Variants in SH3RF2 observed in about 807,000 individuals in gnomAD.
The protein encoded by SH3RF2 is E3 ubiquitin-protein ligase SH3RF2.
Under a neutral mutation model 59.0 loss-of-function variants are expected in SH3RF2, and 43 were observed. That is an observed-to-expected ratio of 0.73 (90% CI 0.57 to 0.94). The LOEUF (loss-of-function observed/expected upper bound fraction) is 0.94, where lower values mean the gene tolerates loss of function less well. Among genes scored for constraint, SH3RF2 ranks in the 40% least tolerant of loss-of-function variants. The pLI, the probability that SH3RF2 is intolerant of heterozygous loss-of-function variation, is 0.00. For missense variants in SH3RF2, 930 were observed against 940.1 expected, an observed-to-expected ratio of 0.99 and a Z score of 0.14; for synonymous variants, 391 against 391.5, an observed-to-expected ratio of 1.00 and a Z score of 0.01.
chr5:146,010,577 G>A (rs150964106), intron 4 of SH3RF2, among the ~76,000 whole-genome samples: 18 of 152,288 alleles, frequency 1.2e-4, no homozygotes, highest in East Asian at 1.9e-4. Context: ...CATTCTAACC[G>A]GTGTGAGATG....
chr5:145,976,786 T>C (rs1759314729), intron 2 of SH3RF2, among the ~76,000 whole-genome samples: 1 of 152,240 alleles, frequency 6.6e-6, no homozygotes, highest in Non-Finnish European at 1.5e-5. Flanking sequence ...CTGGGCTTAC[T>C]AGCCAGTTAT....
At position 145,937,906 on chromosome 5, in the gene SH3RF2, G is replaced by A. The variant is rs1419402534; in HGVS notation, c.-23G>A. On this transcript the variant is annotated 5_prime_UTR_variant, in exon 2 of 10. Transcript: ENST00000359120. ...CCATGTGGACGCTGCTCCTCCAGGT[G>A]GGAACTGGAGTTTTGAAATAAAATG... The A allele has an allele frequency of 5.6e-6, 9 of 1,594,936 alleles. No homozygotes were observed. The highest frequency in any genetic ancestry group is 1.1e-5 in the South Asian group (1 of 88,026).
chr5:146,023,125 G>T (rs1011637938), intron 5 of SH3RF2, among the ~76,000 whole-genome samples: 1 of 150,072 alleles, frequency 6.7e-6, no homozygotes, highest in African/African-American at 2.5e-5. Flanking sequence ...TTGCCCTTTT[G>T]AATTTTCCAA....
intron 5 of SH3RF2, among the ~76,000 whole-genome samples, chr5:146,023,424 G>T (rs248778): frequency 0.33 from 50,487 of 151,868 alleles, 8,886 homozygotes; most frequent in Non-Finnish European, 0.39. Context: ...GGCCAGGCTG[G>T]TCTCAAACTC....
chr5:146,068,187 C>A (rs1396216735), downstream of SH3RF2, among the ~76,000 whole-genome samples: 1 of 152,234 alleles, frequency 6.6e-6, no homozygotes, highest in Non-Finnish European at 1.5e-5. Context: ...CCCAGCTCCT[C>A]TGCCATTGGT....
At position 146,006,245 on chromosome 5, in the gene SH3RF2, A is replaced by G. The variant is rs144872419; in HGVS notation, c.744+2092A>G. ...TGAGACCAGCTTGGGCAACATAGTG[A>G]GACTCCCATCTCTACAGAAAATTTA... On this transcript the variant is annotated intron_variant, in intron 4 of 9. Coordinates refer to ENST00000359120, the MANE Select transcript of SH3RF2 (RefSeq NM_152550.4). Among the ~76,000 whole-genome samples, 3 of 152,216 alleles carry G rather than the reference A, an allele frequency of 2.0e-5. No individual in the cohort carries two copies. The East Asian group carries it at 5.8e-4, about 29-fold the overall frequency.
At chr5:145,939,103 C>T (rs901850848) in intron 2 of SH3RF2, among the ~76,000 whole-genome samples, 1 of 152,238 alleles carries the variant, frequency 6.6e-6, no homozygotes, top group Non-Finnish European at 1.5e-5. Flanking sequence ...TTTATCTGAC[C>T]TGGCTATGAA....
At chr5:145,941,746 A>G (rs187954158) in intron 2 of SH3RF2, among the ~76,000 whole-genome samples, 155 of 152,286 alleles carry the variant, frequency 1.0e-3, no homozygotes, top group African/African-American at 3.5e-3. Context: ...TGAGTCACTT[A>G]AACCTCAGGT....
chr5:145,939,094 T>A (rs1757711941), intron 2 of SH3RF2, among the ~76,000 whole-genome samples: 1 of 152,206 alleles, frequency 6.6e-6, no homozygotes, highest in African/African-American at 2.4e-5. Context: ...CCCGAGGACT[T>A]TATCTGACCT....
At chr5:146,042,819 G>GA (rs1276053662) in intron 5 of SH3RF2, among the ~76,000 whole-genome samples, 1 of 152,070 alleles carries the variant, frequency 6.6e-6, no homozygotes, top group Non-Finnish European at 1.5e-5. Context: ...AAAAGGGAGG[G>GA]AAAAAAATGT....
intron 2 of SH3RF2, among the ~76,000 whole-genome samples, chr5:145,948,741 C>G (rs1480596228): frequency 1.3e-5 from 2 of 152,186 alleles, no homozygotes; most frequent in African/African-American, 4.8e-5. Context: ...CTCCGGAAGT[C>G]AGCCCTCTGT....
At chr5:146,056,901 C>G (rs17104200) in intron 8 of SH3RF2, among the ~76,000 whole-genome samples, 3,945 of 152,274 alleles carry the variant, frequency 0.026, 73 homozygotes, top group South Asian at 0.06. Flanking sequence ...CATACAGATT[C>G]TTGAGAACTA....
At chr5:146,021,211 A>AAT (rs747016086) in intron 5 of SH3RF2, among the ~76,000 whole-genome samples, 3 of 151,978 alleles carry the variant, frequency 2.0e-5, no homozygotes, top group Admixed American at 6.6e-5. Context: ...ACTTAGCACT[A>AAT]ATATATATAT....
chr5:146,009,895 ATACTTT>A (rs1760804976), intron 4 of SH3RF2, among the ~76,000 whole-genome samples: 1 of 152,170 alleles, frequency 6.6e-6, no homozygotes, highest in African/African-American at 2.4e-5. Context: ...TGTTTTTATT[ATACTTT>A]AAGTTCTAGG....
intron 4 of SH3RF2, 66 bp downstream of exon 4, chr5:146,004,219 G>T: frequency 7.7e-7 from 1 of 1,300,470 alleles, no homozygotes; most frequent in Non-Finnish European, 1.1e-6. Flanking sequence ...CTACAGTGAT[G>T]CCTGAGAGCA....
rs1757863446 is a variant in SH3RF2 at position 145,942,702 on chromosome 5, T to C, written c.378+4396T>C. Among the ~76,000 whole-genome samples, 6 of 152,204 alleles carry C rather than the reference T, an allele frequency of 3.9e-5. No homozygotes were observed. The South Asian group carries it at 1.2e-3, about 32-fold the overall frequency. On this transcript the variant is annotated intron_variant, in intron 2 of 9. Transcript: ENST00000359120. Reference sequence around the variant, plus strand: ...CATATGTAGTAGGTGGAGGAAGACATAAAGGTAGGGGCTAAGGTTGAGAAG... The same window carrying C: ...CATATGTAGTAGGTGGAGGAAGACACAAAGGTAGGGGCTAAGGTTGAGAAG...
intron 7 of SH3RF2, among the ~76,000 whole-genome samples, chr5:146,049,478 C>T (rs1762418267): frequency 6.6e-6 from 1 of 152,196 alleles, no homozygotes; most frequent in Non-Finnish European, 1.5e-5. Context: ...ACAGGCTGTG[C>T]CCAAGAATCC....
chr5:146,044,426 T>G (rs1762236897), intron 5 of SH3RF2, among the ~76,000 whole-genome samples: 1 of 152,092 alleles, frequency 6.6e-6, no homozygotes, highest in Non-Finnish European at 1.5e-5. Flanking sequence ...TGGTTGGTCT[T>G]TTTTGATTTT....
intron 8 of SH3RF2, among the ~76,000 whole-genome samples, chr5:146,057,984 C>CTATATATATATATATATATATATA (rs751628879): frequency 4.8e-5 from 7 of 145,740 alleles, no homozygotes; most frequent in African/African-American, 1.9e-4. Context: ...ATCTATCTAT[C>CTATATATATATATATATATATATA]TATATATATA....
Sources: allele counts gnomAD v4.1 joint callset (sites outside exome capture counted in the v4.1 genomes callset), GRCh38; gene constraint gnomAD v4.1.1; transcripts MANE v1.5; gene names NCBI Gene and HGNC (gene_info 2026-07-23, HGNC 2026-07-21).